The following CCNT2 variants were observed in gnomAD, a reference collection of about 807,000 sequenced individuals.
CCNT2 encodes cyclin-T2.
In CCNT2, 18 loss-of-function variants were observed where a neutral mutation model predicts 70.0. The observed-to-expected ratio is 0.26, with a 90% CI of 0.18 to 0.38. CCNT2 has a LOEUF of 0.38. Ranked by LOEUF, CCNT2 falls within the 10% of genes least tolerant of loss-of-function variation. The probability of loss-of-function intolerance (pLI) is 1.00; values close to 1 mark genes in which losing one functional copy is unlikely to be tolerated. For missense variants in CCNT2, 734 were observed against 890.2 expected (o/e 0.82, Z 2.23); for synonymous variants, 334 against 313.3 (o/e 1.07, Z -0.70).
In CCNT2 at chr2:134,939,035, C is replaced by G. The variant is rs1477806337; in HGVS notation, c.403C>G (p.Leu135Val). The G allele has an allele frequency of 2.5e-6, 4 of 1,610,670 alleles. No homozygotes were observed. The highest frequency in any genetic ancestry group is 1.3e-5 in the African/African-American group (1 of 74,848). ...TCAACAGACTCAAGAACTGGTTATA[C>G]TTGAAACCATAATGCTACAAACTCT... ...YLQQTQELVILETIMLQTLGF... is the reference protein window; with the variant it reads ...YLQQTQELVIVETIMLQTLGF... The change falls in exon 4 of 9, where the codon CTT becomes GTT. Residue 135 changes from leucine to valine, a missense_variant. Leu to Val is a conservative substitution (Grantham distance 32). Transcript: ENST00000264157.
chr2:134,924,787 G>T (rs1680161113), intron 2 of CCNT2, among the ~76,000 whole-genome samples: 1 of 152,014 alleles, frequency 6.6e-6, no homozygotes, highest in African/African-American at 2.4e-5. Context: ...TATAGTTTTA[G>T]CACCCAACTC....
At chr2:134,942,742 C>A in intron 5 of CCNT2, 68 bp downstream of exon 5, 1 of 1,443,866 alleles carries the variant, frequency 6.9e-7, no homozygotes. Context: ...GATTTGGGTG[C>A]TATTTTGTTT....
chr2:134,928,746 GA>G (rs1197123646), intron 2 of CCNT2, among the ~76,000 whole-genome samples: 1 of 152,070 alleles, frequency 6.6e-6, no homozygotes, highest in Non-Finnish European at 1.5e-5. Flanking sequence ...AAAAAAATGG[GA>G]AAGATGTTTC....
At position 134,936,843 on chromosome 2, in the gene CCNT2, A is replaced by G; in HGVS notation, c.243A>G (p.Ile81Met). 1 of 1,609,878 alleles carries G rather than the reference A, an allele frequency of 6.2e-7. No individual in the cohort carries two copies. Among genetic ancestry groups the G allele is most frequent in the South Asian group, 1.1e-5 (1 of 89,974 alleles). Reference sequence around the variant, plus strand: ...CCAGAGTTTTATCTTTTCTGCAGATAATATCGTCTACTGCATTATTTTTGG... The same window carrying G: ...CCAGAGTTTTATCTTTTCTGCAGATGATATCGTCTACTGCATTATTTTTGG... The part of the protein sequence containing the change: ...HHSFTKFNKN[I>M]ISSTALFLAA... Residue 81 changes from isoleucine to methionine, a missense_variant and splice_region_variant, in exon 3 of 9, where the codon ATA becomes ATG. Transcript: ENST00000264157.
intron 2 of CCNT2, among the ~76,000 whole-genome samples, chr2:134,933,936 A>T (rs1256413549): frequency 1.3e-5 from 2 of 152,184 alleles, no homozygotes; most frequent in African/African-American, 4.8e-5. Context: ...CCACAAAGAG[A>T]ATAAGTAAAT....
At chr2:134,940,512 A>T (rs1681502126) in intron 4 of CCNT2, among the ~76,000 whole-genome samples, 1 of 152,188 alleles carries the variant, frequency 6.6e-6, no homozygotes, top group Non-Finnish European at 1.5e-5. Flanking sequence ...ATTCGCAGTT[A>T]AGAGAAAATG....
intron 2 of CCNT2, among the ~76,000 whole-genome samples, chr2:134,923,009 G>A (rs1439850499): frequency 6.6e-6 from 1 of 152,182 alleles, no homozygotes; most frequent in Non-Finnish European, 1.5e-5. Flanking sequence ...GGCCTGGCAT[G>A]GTAGCTAATG....
At chr2:134,943,587 AT>A (rs1681728150) in intron 5 of CCNT2, 2 of 984,990 alleles carry the variant, frequency 2.0e-6, no homozygotes, top group Non-Finnish European at 2.4e-6. Context: ...CGTCTTGTTT[AT>A]AAACAGGAGT....
At chr2:134,930,295 G>C (rs1295301746) in intron 2 of CCNT2, among the ~76,000 whole-genome samples, 1 of 152,182 alleles carries the variant, frequency 6.6e-6, no homozygotes, top group Non-Finnish European at 1.5e-5. Flanking sequence ...TCATGGTGTA[G>C]AATGTGTTAG....
At chr2:134,942,349 GT>G (rs1176595273) in intron 4 of CCNT2, among the ~76,000 whole-genome samples, 1 of 151,996 alleles carries the variant, frequency 6.6e-6, no homozygotes, top group Non-Finnish European at 1.5e-5. Flanking sequence ...AATTTAATTT[GT>G]TTTTAAGATA....
In CCNT2 at chr2:134,953,501, A is replaced by G; in HGVS notation, c.1046A>G (p.Gln349Arg). The G allele has an allele frequency of 6.2e-7, 1 of 1,614,252 alleles. No homozygotes were observed. The highest frequency in any genetic ancestry group is 8.5e-7 in the Non-Finnish European group (1 of 1,180,044). The change falls in exon 9 of 9, where the codon CAG becomes CGG. Residue 349 changes from glutamine to arginine, a missense_variant. Gln to Arg is a conservative substitution (Grantham distance 43). Coordinates refer to ENST00000264157, the MANE Select transcript of CCNT2 (RefSeq NM_058241.3). ...ACTTCATACGGTTTATCATCACACCAGGAATGGCCTCAACATCAAGACTCA... is the reference window on the plus strand; with the variant it reads ...ACTTCATACGGTTTATCATCACACCGGGAATGGCCTCAACATCAAGACTCA... ...PSTSYGLSSH[Q>R]EWPQHQDSAR... is the part of the protein sequence containing the mutation.
At chr2:134,940,057 C>G (rs1559102685) in intron 4 of CCNT2, among the ~76,000 whole-genome samples, 1 of 152,180 alleles carries the variant, frequency 6.6e-6, no homozygotes, top group Non-Finnish European at 1.5e-5. Context: ...GTTGTACCTC[C>G]ATTCTGTAGA....
Position 134,953,328 on chromosome 2 carries a change from T to C in CCNT2, c.873T>C (p.Ser291=), listed in dbSNP as rs923278971. Residue 291 remains serine, a synonymous_variant, in exon 9 of 9, where the codon AGT becomes AGC. Transcript: ENST00000264157. ...TCCAGAATTCCATTTTAGTAGATAG[T>C]GTCACTGGTGTGCCTACAAACCCAA... The part of the protein sequence containing the change: ...SLVQNSILVD[S]VTGVPTNPSF... The C allele has an allele frequency of 1.2e-6, 2 of 1,610,902 alleles. No homozygotes were observed. The highest frequency in any genetic ancestry group is 1.3e-5 in the African/African-American group (1 of 74,868).
chr2:134,928,829 G>A (rs1184465504), intron 2 of CCNT2, among the ~76,000 whole-genome samples: 1 of 152,128 alleles, frequency 6.6e-6, no homozygotes, highest in Non-Finnish European at 1.5e-5. Flanking sequence ...ACCTGAGAGG[G>A]CAGGAAGAGA....
Position 134,953,583 on chromosome 2 carries a change from G to A in CCNT2, c.1128G>A (p.Gln376=), listed in dbSNP as rs1052458897. 5.0e-6 allele frequency: 8 copies of A among 1,613,998 alleles called. No homozygotes were observed. In the African/African-American group the frequency reaches 8.0e-5, roughly 16 times the overall value. The change falls in exon 9 of 9, where the codon CAG becomes CAA. Residue 376 remains glutamine, a synonymous_variant. Coordinates refer to ENST00000264157, the MANE Select transcript of CCNT2 (RefSeq NM_058241.3). ...QKQETSLSGS[Q]YNINFQQGPS... ...AGGAGACATCTTTGTCTGGTAGCCA[G>A]TACAACATCAACTTCCAGCAGGGAC...
intron 2 of CCNT2, among the ~76,000 whole-genome samples, chr2:134,930,527 A>G (rs1289002204): frequency 6.6e-6 from 1 of 152,172 alleles, no homozygotes; most frequent in Admixed American, 6.5e-5. Context: ...ATGAGAGTGG[A>G]ATTGCTGGAT....
chr2:134,941,466 A>T (rs2105060516), intron 4 of CCNT2, among the ~76,000 whole-genome samples: 1 of 152,336 alleles, frequency 6.6e-6, no homozygotes. Context: ...GCAGGTTCTG[A>T]TCAACGATAG....
intron 7 of CCNT2, among the ~76,000 whole-genome samples, chr2:134,948,751 G>T (rs62168895): frequency 0.043 from 6,222 of 145,808 alleles, 168 homozygotes; most frequent in Middle Eastern, 0.076. Context: ...GTCTCACTCT[G>T]TCGCCAAGGC....
chr2:134,944,329 A>T, intron 5 of CCNT2: 1 of 973,676 alleles, frequency 1.0e-6, no homozygotes, highest in Non-Finnish European at 1.2e-6. Flanking sequence ...TTAAGAGCCT[A>T]TTGAAGAAAC....
Sources: gnomAD v4.1 joint callset for allele counts (sites outside exome capture counted in the v4.1 genomes callset) on GRCh38, gnomAD v4.1.1 for gene constraint, MANE v1.5 for transcripts, NCBI Gene and HGNC (gene_info 2026-07-23, HGNC 2026-07-21) for gene names.